Variants in UEVLD observed in about 807,000 individuals in gnomAD.
UEVLD encodes the protein ubiquitin-conjugating enzyme E2 variant 3.
A neutral mutation model predicts 58.6 loss-of-function variants in UEVLD; 47 were observed. The observed-to-expected ratio is 0.80, with a 90% CI of 0.63 to 1.02. UEVLD has a LOEUF of 1.02. Ranked by LOEUF, UEVLD falls within the 50% of genes least tolerant of loss-of-function variation. The pLI, the probability that UEVLD is intolerant of heterozygous loss-of-function variation, is 0.00. For missense variants in UEVLD, 510 were observed against 550.6 expected, an observed-to-expected ratio of 0.93 and a Z score of 0.74; for synonymous variants, 197 against 195.3, an observed-to-expected ratio of 1.01 and a Z score of -0.07.
intron 4 of UEVLD, among the ~76,000 whole-genome samples, chr11:18,567,058 A>C (rs1038488904): frequency 3.3e-5 from 5 of 152,206 alleles, no homozygotes; most frequent in Non-Finnish European, 7.4e-5. Context: ...TTTCTGAACA[A>C]ACTGAACAAG....
intron 1 of UEVLD, among the ~76,000 whole-genome samples, chr11:18,579,089 G>A (rs143522174): frequency 0.11 from 15,969 of 151,858 alleles, 841 homozygotes; most frequent in Middle Eastern, 0.13. Context: ...GGCTGGTCTC[G>A]AACTCCTGAC....
Position 18,532,486 on chromosome 11 carries a change from C to A in UEVLD, c.1250G>T (p.Gly417Val), listed in dbSNP as rs1850608231. Residue 417 changes from glycine to valine, a missense_variant and splice_region_variant, in exon 12 of 12, where the codon GGA becomes GTA. Physicochemically the swap from Gly to Val is moderately radical, Grantham distance 109. Transcript: ENST00000396197. ...CACTTCACTATTTATATCATAATAT[C>A]CCTGAAATGAGAAAAATAGGGATTT... ...KVHSVSALAK[G>V]YYDINSEVFL... is the part of the protein sequence containing the mutation. 1.3e-6 allele frequency: 2 copies of A among 1,590,694 alleles called. No individual in the cohort carries two copies. Among genetic ancestry groups the A allele is most frequent in the African/African-American group, 2.7e-5 (2 of 73,648 alleles).
intron 3 of UEVLD, among the ~76,000 whole-genome samples, chr11:18,574,840 T>C (rs925242978): frequency 2.0e-5 from 3 of 152,124 alleles, no homozygotes; most frequent in Non-Finnish European, 4.4e-5. Context: ...GGAATGGAGA[T>C]AATGCTATAT....
Position 18,534,367 on chromosome 11 carries a change from T to C in UEVLD, c.1211A>G (p.Asn404Ser), listed in dbSNP as rs762795745. The C allele has an allele frequency of 3.2e-6, 5 of 1,563,574 alleles. No individual in the cohort carries two copies. The East Asian group carries it at 7.4e-5, about 23-fold the overall frequency. Residue 404 changes from asparagine to serine, a missense_variant, in exon 11 of 12, where the codon AAT (asparagine) becomes AGT (serine). Transcript: ENST00000396197. The stretch of plus-strand genomic sequence containing the variant: ...TGATACAGAATGCACTTTCTTCTTA[T>C]TGTTTACAATACTGTCAACCATGTC... Reference protein sequence around the residue: ...VADMVDSIVNNKKKVHSVSAL... With the variant: ...VADMVDSIVNSKKKVHSVSAL...
At chr11:18,555,227 C>G (rs185519703) in intron 7 of UEVLD, among the ~76,000 whole-genome samples, 1 of 152,124 alleles carries the variant, frequency 6.6e-6, no homozygotes, top group African/African-American at 2.4e-5. Flanking sequence ...GAGATCAAGA[C>G]CATCCTAGCT....
At chr11:18,558,174 G>A (rs1851843045) in intron 7 of UEVLD, 54 bp downstream of exon 7, 19 of 1,308,842 alleles carry the variant, frequency 1.5e-5, no homozygotes, top group Non-Finnish European at 1.9e-5. Flanking sequence ...AACATTCTAG[G>A]AGTCAAAAAT....
At chr11:18,577,260 AC>A (rs1306610703) in intron 2 of UEVLD, among the ~76,000 whole-genome samples, 2 of 152,238 alleles carry the variant, frequency 1.3e-5, no homozygotes, top group Non-Finnish European at 1.5e-5. Context: ...AAACAAAAAA[AC>A]ATTATCGCAT....
At chr11:18,559,530 TA>T (rs772634151) in intron 6 of UEVLD, among the ~76,000 whole-genome samples, 4 of 152,182 alleles carry the variant, frequency 2.6e-5, no homozygotes, top group Non-Finnish European at 4.4e-5. Flanking sequence ...GATGAGTTAA[TA>T]AAGATGACTT....
intron 6 of UEVLD, among the ~76,000 whole-genome samples, chr11:18,559,209 T>G (rs757981875): frequency 6.6e-6 from 1 of 151,096 alleles, no homozygotes; most frequent in Non-Finnish European, 1.5e-5. Context: ...TCTTTTCTTT[T>G]TTTTTCTGAG....
intron 11 of UEVLD, among the ~76,000 whole-genome samples, chr11:18,532,986 C>T (rs1245525471): frequency 1.3e-5 from 2 of 151,798 alleles, no homozygotes; most frequent in African/African-American, 4.8e-5. Flanking sequence ...TCCATCACCT[C>T]AAACATTTAT....
At position 18,564,942 on chromosome 11, in the gene UEVLD, C is replaced by A; in HGVS notation, c.562G>T (p.Val188Phe). 1 of 1,613,838 alleles carries A rather than the reference C, an allele frequency of 6.2e-7. No individual in the cohort carries two copies. The highest frequency in any genetic ancestry group is 8.5e-7 in the Non-Finnish European group (1 of 1,179,888). ...GCAATACCGAGTTCTCCACCTCCAA[C>A]CACAGTAATTTTATTGACTGTTTTA... The part of the protein sequence containing the change: ...ENKTVNKITV[V>F]GGGELGIACT... The change falls in exon 6 of 12, where the codon GTT becomes TTT. Residue 188 changes from valine to phenylalanine, a missense_variant. Transcript: ENST00000396197.
chr11:18,557,945 T>C (rs974860690), intron 7 of UEVLD, among the ~76,000 whole-genome samples: 1 of 152,294 alleles, frequency 6.6e-6, no homozygotes, highest in East Asian at 1.9e-4. Flanking sequence ...CAATCAGAGA[T>C]AAATTTATTT....
intron 1 of UEVLD, among the ~76,000 whole-genome samples, chr11:18,581,969 A>AGAC (rs1375339615): frequency 6.6e-6 from 1 of 152,198 alleles, no homozygotes; most frequent in East Asian, 1.9e-4. Flanking sequence ...TAACTATAAC[A>AGAC]GACTTGTTTA....
In UEVLD at chr11:18,530,726, CTT is replaced by C. The variant is rs59281820; in HGVS notation, c.*1592_*1593del. On this transcript the variant is annotated 3_prime_UTR_variant, in exon 12 of 12. Coordinates refer to ENST00000396197, the MANE Select transcript of UEVLD (RefSeq NM_001040697.4). The stretch of plus-strand genomic sequence containing the variant: ...TCACCACACCTGGCTAATTTTTAAA[CTT>C]TTTTTTTTTTTTTTTGAGACGGAGT... The C allele has an allele frequency of 1.6e-4, 22 of 135,428 alleles. No individual in the cohort carries two copies. Among genetic ancestry groups the C allele is most frequent in the Middle Eastern group, 3.4e-3 (1 of 296 alleles). The allele number at this position is 135,428 out of a possible 1,614,324, so 8.4% of individuals were successfully genotyped here. A position where few individuals can be genotyped will look rare whatever the true frequency, so the allele number is the denominator to read the frequency against.
Position 18,532,506 on chromosome 11 carries a change from G to C in UEVLD, c.1249-19C>G. 1 of 1,543,548 alleles carries C rather than the reference G, an allele frequency of 6.5e-7. No individual in the cohort carries two copies. The highest frequency in any genetic ancestry group is 8.8e-7 in the Non-Finnish European group (1 of 1,138,546). ...AATATCCCTGAAATGAGAAAAATAG[G>C]GATTTAATAGAACTAAATCATTGCA... On this transcript the variant is annotated intron_variant, in intron 11 of 11. Transcript: ENST00000396197.
chr11:18,581,240 T>C (rs1853223685), intron 1 of UEVLD, among the ~76,000 whole-genome samples: 1 of 150,082 alleles, frequency 6.7e-6, no homozygotes, highest in Non-Finnish European at 1.5e-5. Flanking sequence ...ACAATTAACA[T>C]ATGTAAAAGT....
chr11:18,582,571 G>A (rs1473490148), intron 1 of UEVLD, among the ~76,000 whole-genome samples: 1 of 151,986 alleles, frequency 6.6e-6, no homozygotes, highest in African/African-American at 2.4e-5. Flanking sequence ...CTGGGCTCAA[G>A]GGATCCACCT....
chr11:18,564,003 TAA>T (rs34386323), intron 6 of UEVLD: 32,961 of 152,994 alleles, frequency 0.22, 1,734 homozygotes, highest in African/African-American at 0.28. Context: ...AGACTCCACC[TAA>T]AAAAAAAAAA....
intron 7 of UEVLD, among the ~76,000 whole-genome samples, chr11:18,553,154 C>CAA (rs34297128): frequency 0.37 from 30,349 of 81,260 alleles, 5,179 homozygotes; most frequent in East Asian, 0.63. Context: ...GGTTCCGTCT[C>CAA]AAAAAAAAAA....
Sources: gnomAD v4.1 joint callset for allele counts (sites outside exome capture counted in the v4.1 genomes callset) on GRCh38, gnomAD v4.1.1 for gene constraint, MANE v1.5 for transcripts, NCBI Gene and HGNC (gene_info 2026-07-23, HGNC 2026-07-21) for gene names.